The following DLG2 variants were observed in gnomAD, a reference collection of about 807,000 sequenced individuals.
The protein encoded by DLG2 is discs large MAGUK scaffold protein 2, also known as disks large homolog 2.
DLG2 carries 45 observed loss-of-function variants against 132.5 expected under a neutral mutation model. That is an observed-to-expected ratio of 0.34 (90% confidence interval 0.27 to 0.44). The LOEUF is 0.44. Among genes scored for constraint, DLG2 ranks in the 20% least tolerant of loss-of-function variants. The pLI, the probability that DLG2 is intolerant of heterozygous loss-of-function variation, is 1.00. For synonymous variants in DLG2, 424 were observed against 419.6 expected (o/e 1.01, Z -0.13); for missense variants, 1,045 against 1,196.9 (o/e 0.87, Z 1.87).
intron 7 of DLG2, among the ~76,000 whole-genome samples, chr11:84,448,470 G>A (rs2099042069): frequency 1.3e-5 from 2 of 151,864 alleles, no homozygotes; most frequent in Non-Finnish European, 2.9e-5. Context: ...CATCCCTTTG[G>A]ATCTTCACAA....
intron 7 of DLG2, among the ~76,000 whole-genome samples, chr11:84,365,513 C>T (rs1236328985): frequency 1.3e-5 from 2 of 152,006 alleles, no homozygotes; most frequent in Non-Finnish European, 2.9e-5. Context: ...CTATTTCCTT[C>T]AGTTCTGCTC....
In DLG2 at chr11:84,471,973, GA is replaced by G. The variant is rs367914816; in HGVS notation, c.519+62596del. The stretch of plus-strand genomic sequence containing the variant: ...TGATTTAAAATTAAGGAAAAAAAAA[GA>G]AAGATAAAAGAGGTTTTAAAAATCA... On this transcript the variant is annotated intron_variant, in intron 7 of 27. Transcript: ENST00000376104. Among the ~76,000 whole-genome samples, 1,083 of 151,728 alleles carry G rather than the reference GA, an allele frequency of 7.1e-3. 15 individuals are homozygous for G. Among genetic ancestry groups the G allele is most frequent in the African/African-American group, 0.023 (972 of 41,396 alleles).
At chr11:85,033,646 C>G (rs2061211428) in intron 6 of DLG2, among the ~76,000 whole-genome samples, 1 of 152,184 alleles carries the variant, frequency 6.6e-6, no homozygotes, top group Non-Finnish European at 1.5e-5. Context: ...GTGAGCTCTA[C>G]TCAGATTCAT....
At chr11:83,961,653 G>A (rs1196711300) in intron 14 of DLG2, among the ~76,000 whole-genome samples, 2 of 151,886 alleles carry the variant, frequency 1.3e-5, no homozygotes, top group Non-Finnish European at 2.9e-5. Context: ...ATTCGCTATG[G>A]GGCCTAGTAA....
chr11:84,922,511 C>T (rs997038428), intron 6 of DLG2, among the ~76,000 whole-genome samples: 1 of 152,120 alleles, frequency 6.6e-6, no homozygotes, highest in Admixed American at 6.5e-5. Flanking sequence ...GACAGCAGCG[C>T]CCACGCAGCT....
chr11:83,909,252 T>C (rs949352127), intron 15 of DLG2, among the ~76,000 whole-genome samples: 2 of 152,196 alleles, frequency 1.3e-5, no homozygotes, highest in African/African-American at 4.8e-5. Context: ...CATTTTCCCT[T>C]TTGTGGGACT....
intron 14 of DLG2, among the ~76,000 whole-genome samples, chr11:83,944,851 G>A (rs1384755): frequency 0.076 from 11,638 of 152,252 alleles, 610 homozygotes; most frequent in Non-Finnish European, 0.12. Context: ...GTGCAGCAGG[G>A]TGGTATACAG....
At position 84,780,279 on chromosome 11, in the gene DLG2, G is replaced by A. The variant is rs557393391; in HGVS notation, c.358-245548C>T. ...CATCACATAAAATTAAGACAAAAAC[G>A]ATATGATCATCTCAATAGACAAAGA... On this transcript the variant is annotated intron_variant, in intron 6 of 27. Transcript: ENST00000376104. 2.8e-4 allele frequency among the ~76,000 whole-genome samples: 42 copies of A among 151,668 alleles called. No individual in the cohort carries two copies. The East Asian group carries it at 6.2e-3, about 22-fold the overall frequency.
intron 8 of DLG2, among the ~76,000 whole-genome samples, chr11:84,223,130 A>C (rs1257606316): frequency 6.6e-6 from 1 of 152,174 alleles, no homozygotes; most frequent in South Asian, 2.1e-4. Context: ...CTTATAAGGA[A>C]TGATTCAATA....
chr11:84,738,750 T>C (rs189000971), intron 6 of DLG2, among the ~76,000 whole-genome samples: 8 of 152,116 alleles, frequency 5.3e-5, no homozygotes, highest in African/African-American at 1.9e-4. Context: ...ATAAATGTAT[T>C]GTACAACACA....
At chr11:83,690,085 CTG>C (rs2080697969) in intron 18 of DLG2, among the ~76,000 whole-genome samples, 1 of 147,434 alleles carries the variant, frequency 6.8e-6, no homozygotes, top group Non-Finnish European at 1.5e-5. Context: ...TATTGTGTAA[CTG>C]TATTACTGTG....
At chr11:83,939,880 C>T (rs553797133) in intron 14 of DLG2, among the ~76,000 whole-genome samples, 2 of 152,300 alleles carry the variant, frequency 1.3e-5, no homozygotes, top group African/African-American at 4.8e-5. Context: ...AATATAACAG[C>T]AGCTTCCTAG....
intron 11 of DLG2, among the ~76,000 whole-genome samples, chr11:84,014,618 T>A (rs1355156585): frequency 6.6e-6 from 1 of 152,180 alleles, no homozygotes; most frequent in Non-Finnish European, 1.5e-5. Flanking sequence ...TATTTAATCC[T>A]TGGGCCAACT....
At chr11:84,575,105 A>C (rs1344467485) in intron 6 of DLG2, among the ~76,000 whole-genome samples, 1 of 152,104 alleles carries the variant, frequency 6.6e-6, no homozygotes, top group Non-Finnish European at 1.5e-5. Flanking sequence ...ATTTTATCTC[A>C]CTGCCACTAA....
chr11:84,898,257 T>TG (rs2090448475), intron 6 of DLG2, among the ~76,000 whole-genome samples: 1 of 152,010 alleles, frequency 6.6e-6, no homozygotes, highest in East Asian at 1.9e-4. Context: ...TTCACTAATT[T>TG]ATTAAACAAA....
At chr11:85,023,150 A>T (rs1271336416) in intron 6 of DLG2, among the ~76,000 whole-genome samples, 2 of 152,078 alleles carry the variant, frequency 1.3e-5, no homozygotes, top group African/African-American at 4.8e-5. Context: ...AGCCTATAAG[A>T]TTCTAAAAAC....
intron 8 of DLG2, among the ~76,000 whole-genome samples, chr11:84,237,722 C>T (rs951172957): frequency 6.6e-6 from 1 of 152,102 alleles, no homozygotes. Flanking sequence ...TAATTTAGGG[C>T]TGAGATATGA....
chr11:83,904,387 GAA>G (rs10548040), intron 15 of DLG2, among the ~76,000 whole-genome samples: 58,869 of 150,932 alleles, frequency 0.39, 11,792 homozygotes, highest in South Asian at 0.51. Flanking sequence ...GTGACAATTT[GAA>G]AAAAAAAGTT....
chr11:84,167,762 G>A (rs2095704717), intron 8 of DLG2, among the ~76,000 whole-genome samples: 2 of 152,048 alleles, frequency 1.3e-5, no homozygotes, highest in South Asian at 4.1e-4. Context: ...TGCATACCAG[G>A]TTTAAGTGAT....
Sources: gnomAD v4.1 joint callset for allele counts (sites outside exome capture counted in the v4.1 genomes callset) on GRCh38, gnomAD v4.1.1 for gene constraint, MANE v1.5 for transcripts, NCBI Gene and HGNC (gene_info 2026-07-23, HGNC 2026-07-21) for gene names.